PCDH9: variants seen among roughly 807,000 people sequenced by gnomAD.
PCDH9 encodes the protein protocadherin 9.
Under a neutral mutation model 70.6 loss-of-function variants are expected in PCDH9, and 24 were observed. The ratio of observed to expected loss-of-function variants is 0.34; its 90% CI spans 0.25 to 0.48. The LOEUF (loss-of-function observed/expected upper bound fraction) is 0.48. Among genes scored for constraint, PCDH9 ranks in the 20% least tolerant of loss-of-function variants. The probability of loss-of-function intolerance (pLI) is 0.99; values close to 1 mark genes in which losing one functional copy is unlikely to be tolerated. For synonymous variants in PCDH9, 562 were observed against 558.5 expected (o/e 1.01, Z -0.09); for missense variants, 1,281 against 1,503.6 (o/e 0.85, Z 2.45).
rs201713053 is a variant in PCDH9 at position 66,462,404 on chromosome 13, T to TC, written c.3341-157377_3341-157376insG. Among the ~76,000 whole-genome samples, 685 of 151,942 alleles carry TC rather than the reference T, an allele frequency of 4.5e-3. 27 individuals are homozygous for TC. In the East Asian group the frequency reaches 0.088, roughly 19 times the overall value. ...CAGGAAGAGACATCTATTGGGGAAG[T>TC]TAGGTTGGAACATAAGTTGTTTGCC... On this transcript the variant is annotated intron_variant, in intron 4 of 4. Transcript: ENST00000377865.
chr13:66,548,987 A>G (rs953540416), intron 4 of PCDH9, among the ~76,000 whole-genome samples: 12 of 152,040 alleles, frequency 7.9e-5, no homozygotes, highest in African/African-American at 2.9e-4. Context: ...TTTTATTTGG[A>G]TAATTAATTC....
intron 3 of PCDH9, among the ~76,000 whole-genome samples, chr13:66,877,697 C>A (rs746027930): frequency 6.6e-6 from 1 of 152,168 alleles, no homozygotes; most frequent in African/African-American, 2.4e-5. Flanking sequence ...CAAGGAACAA[C>A]ATCTTCATTG....
At chr13:66,761,712 T>C (rs1434517944) in intron 3 of PCDH9, among the ~76,000 whole-genome samples, 2 of 152,238 alleles carry the variant, frequency 1.3e-5, no homozygotes, top group East Asian at 3.8e-4. Context: ...GATTTCTGTT[T>C]GATTTTTATA....
At chr13:67,145,694 T>C (rs1412379180) in intron 2 of PCDH9, among the ~76,000 whole-genome samples, 2 of 151,948 alleles carry the variant, frequency 1.3e-5, no homozygotes, top group Admixed American at 1.3e-4. Context: ...GGATAAAGAC[T>C]AAGAGAGGCA....
chr13:66,497,091 G>A (rs564197462), intron 4 of PCDH9, among the ~76,000 whole-genome samples: 6 of 150,746 alleles, frequency 4.0e-5, no homozygotes, highest in South Asian at 4.2e-4. Context: ...TTTTTTAGAC[G>A]GGTCCTTGCT....
intron 3 of PCDH9, among the ~76,000 whole-genome samples, chr13:66,822,039 C>T (rs1720242603): frequency 6.6e-6 from 1 of 152,014 alleles, no homozygotes; most frequent in South Asian, 2.1e-4. Context: ...ATTTTTAACA[C>T]ATTGGTACAC....
chr13:67,114,573 C>T (rs2086722882), intron 2 of PCDH9, among the ~76,000 whole-genome samples: 1 of 152,010 alleles, frequency 6.6e-6, no homozygotes, highest in African/African-American at 2.4e-5. Flanking sequence ...TTTTTCCAAA[C>T]ACCTTTACAC....
intron 4 of PCDH9, among the ~76,000 whole-genome samples, chr13:66,531,455 C>T (rs1351709587): frequency 2.0e-5 from 3 of 151,996 alleles, no homozygotes; most frequent in Non-Finnish European, 4.4e-5. Flanking sequence ...AACATCAAGG[C>T]AGAATATTAA....
intron 4 of PCDH9, among the ~76,000 whole-genome samples, chr13:66,624,452 T>C (rs2077472813): frequency 6.6e-6 from 1 of 152,228 alleles, no homozygotes; most frequent in Admixed American, 6.5e-5. Flanking sequence ...GGCAGTTGAT[T>C]AAGTGTGCTC....
intron 4 of PCDH9, among the ~76,000 whole-genome samples, chr13:66,585,082 A>G (rs1279812584): frequency 6.6e-6 from 1 of 152,106 alleles, no homozygotes; most frequent in Non-Finnish European, 1.5e-5. Flanking sequence ...ATGGGGGTTC[A>G]TATTCAGAGA....
At chr13:66,599,385 T>C (rs1031560561) in intron 4 of PCDH9, among the ~76,000 whole-genome samples, 4 of 151,860 alleles carry the variant, frequency 2.6e-5, no homozygotes, top group East Asian at 1.9e-4. Context: ...AGATTTAGGA[T>C]ATCACTTAAT....
intron 4 of PCDH9, among the ~76,000 whole-genome samples, chr13:66,455,132 TGTAA>T (rs1958292889): frequency 6.6e-6 from 1 of 152,004 alleles, no homozygotes; most frequent in Non-Finnish European, 1.5e-5. Flanking sequence ...CCAATTCAAT[TGTAA>T]GTTTCATAAT....
At chr13:66,668,974 C>T (rs1175977863) in intron 3 of PCDH9, among the ~76,000 whole-genome samples, 1 of 152,124 alleles carries the variant, frequency 6.6e-6, no homozygotes, top group Non-Finnish European at 1.5e-5. Context: ...TTTTCATCCT[C>T]TCTAGGAAAA....
In PCDH9 at chr13:66,969,610, C is replaced by A. The variant is rs973019962; in HGVS notation, c.3037-66005G>T. Reference sequence around the variant, plus strand: ...GCACACCAATTAAATACCTCTCTTACAAACCATTTTTTTCAATAACAAGCA... The same window carrying A: ...GCACACCAATTAAATACCTCTCTTAAAAACCATTTTTTTCAATAACAAGCA... On this transcript the variant is annotated intron_variant, in intron 2 of 4. Transcript: ENST00000377865. Among the ~76,000 whole-genome samples, 19 of 152,132 alleles carry A rather than the reference C, an allele frequency of 1.2e-4. No individual in the cohort carries two copies. In the East Asian group the frequency reaches 1.4e-3, roughly 11 times the overall value.
intron 3 of PCDH9, among the ~76,000 whole-genome samples, chr13:66,874,940 TGTGAGA>T (rs1162605647): frequency 3.6e-5 from 5 of 140,538 alleles, no homozygotes; most frequent in African/African-American, 1.0e-4. Context: ...TGTGTGTGTG[TGTGAGA>T]GAGAGAGAGA....
chr13:66,537,335 T>C (rs1960749765), intron 4 of PCDH9, among the ~76,000 whole-genome samples: 1 of 152,060 alleles, frequency 6.6e-6, no homozygotes, highest in Non-Finnish European at 1.5e-5. Context: ...ATATCGTCCA[T>C]ATTAACTATT....
chr13:66,740,010 C>T (rs1202668706), intron 3 of PCDH9, among the ~76,000 whole-genome samples: 1 of 151,710 alleles, frequency 6.6e-6, no homozygotes, highest in Non-Finnish European at 1.5e-5. Flanking sequence ...ATCTACAGAA[C>T]TCTCCACCCC....
intron 4 of PCDH9, among the ~76,000 whole-genome samples, chr13:66,616,725 C>A (rs912135002): frequency 6.6e-6 from 1 of 152,090 alleles, no homozygotes; most frequent in African/African-American, 2.4e-5. Flanking sequence ...CAAAGCCAAG[C>A]ACCATGCACC....
At chr13:66,936,001 T>C (rs2082910043) in intron 2 of PCDH9, among the ~76,000 whole-genome samples, 5 of 152,064 alleles carry the variant, frequency 3.3e-5, no homozygotes, top group African/African-American at 1.2e-4. Flanking sequence ...AGGAGGATCG[T>C]TGGAATCCAG....
Sources: gnomAD v4.1 joint callset for allele counts (sites outside exome capture counted in the v4.1 genomes callset) on GRCh38, gnomAD v4.1.1 for gene constraint, MANE v1.5 for transcripts, NCBI Gene and HGNC (gene_info 2026-07-23, HGNC 2026-07-21) for gene names.